THSD7B: variants seen among roughly 807,000 people sequenced by gnomAD.
THSD7B encodes thrombospondin type 1 domain containing 7B.
In THSD7B, 138 loss-of-function variants were observed where a neutral mutation model predicts 213.6. That is an observed-to-expected ratio of 0.65 (90% confidence interval 0.56 to 0.74). THSD7B has a LOEUF of 0.74. Ranked by LOEUF, THSD7B falls within the 30% of genes least tolerant of loss-of-function variation. THSD7B has a pLI of 0.00. For synonymous variants in THSD7B, 742 were observed against 687.0 expected, an observed-to-expected ratio of 1.08 and a Z score of -1.25; for missense variants, 1,931 against 1,991.5, an observed-to-expected ratio of 0.97 and a Z score of 0.58.
intron 12 of THSD7B, among the ~76,000 whole-genome samples, chr2:137,395,703 T>C (rs1182890477): frequency 6.6e-6 from 1 of 152,132 alleles, no homozygotes; most frequent in Non-Finnish European, 1.5e-5. Flanking sequence ...GGATTCCCTC[T>C]TTTTCTATTG....
intron 1 of THSD7B, among the ~76,000 whole-genome samples, chr2:136,815,328 G>A (rs1028935211): frequency 1.3e-5 from 2 of 152,154 alleles, no homozygotes; most frequent in Non-Finnish European, 2.9e-5. Flanking sequence ...TTTTGGGTCA[G>A]TTCCAAAAGA....
At chr2:137,659,001 C>G (rs1290513920) in intron 24 of THSD7B, among the ~76,000 whole-genome samples, 1 of 152,114 alleles carries the variant, frequency 6.6e-6, no homozygotes, top group Non-Finnish European at 1.5e-5. Context: ...AAATGATTTT[C>G]CAGTTACAGA....
intron 12 of THSD7B, among the ~76,000 whole-genome samples, chr2:137,287,842 C>A (rs1558743791): frequency 2.0e-5 from 3 of 152,018 alleles, no homozygotes; most frequent in Admixed American, 2.0e-4. Flanking sequence ...TAAGAAATTT[C>A]TCTTCTAGCT....
At chr2:136,854,225 C>G (rs897236338) in intron 1 of THSD7B, among the ~76,000 whole-genome samples, 2 of 152,138 alleles carry the variant, frequency 1.3e-5, no homozygotes, top group African/African-American at 4.8e-5. Context: ...CACACACACT[C>G]TCACACACAC....
intron 3 of THSD7B, among the ~76,000 whole-genome samples, chr2:137,062,661 T>C (rs530315574): frequency 6.6e-6 from 1 of 151,886 alleles, no homozygotes; most frequent in Non-Finnish European, 1.5e-5. Flanking sequence ...CATTGTGTCC[T>C]GGGAGCATAT....
At chr2:136,965,372 G>C (rs1367082064) in intron 2 of THSD7B, among the ~76,000 whole-genome samples, 1 of 152,210 alleles carries the variant, frequency 6.6e-6, no homozygotes, top group African/African-American at 2.4e-5. Flanking sequence ...AGAATATGGG[G>C]ATGGGAAGAA....
At chr2:137,590,295 G>A (rs1681835189) in intron 17 of THSD7B, among the ~76,000 whole-genome samples, 1 of 152,182 alleles carries the variant, frequency 6.6e-6, no homozygotes, top group South Asian at 2.1e-4. Context: ...GAAGAACAAG[G>A]CTGATGGTCT....
intron 1 of THSD7B, among the ~76,000 whole-genome samples, chr2:136,771,946 C>A (rs1681514055): frequency 6.6e-6 from 1 of 152,004 alleles, no homozygotes; most frequent in Admixed American, 6.6e-5. Flanking sequence ...AGTTAATTAC[C>A]TATGAATTGC....
At chr2:136,937,074 C>T (rs922638891) in intron 2 of THSD7B, among the ~76,000 whole-genome samples, 1 of 152,056 alleles carries the variant, frequency 6.6e-6, no homozygotes. Context: ...GAATTTTCAG[C>T]ACCGTAACAA....
chr2:137,368,910 A>C (rs1685480519), intron 12 of THSD7B, among the ~76,000 whole-genome samples: 1 of 151,856 alleles, frequency 6.6e-6, no homozygotes, highest in Admixed American at 6.6e-5. Context: ...TAGTTATAGA[A>C]CTCTGCTTGG....
At chr2:137,230,283 A>G (rs1362221238) in intron 7 of THSD7B, among the ~76,000 whole-genome samples, 2 of 152,202 alleles carry the variant, frequency 1.3e-5, no homozygotes, top group Non-Finnish European at 2.9e-5. Flanking sequence ...CTGAAAAATC[A>G]TGTTCTATGA....
chr2:136,962,169 C>G (rs913848933), intron 2 of THSD7B, among the ~76,000 whole-genome samples: 2 of 152,108 alleles, frequency 1.3e-5, no homozygotes, highest in African/African-American at 4.8e-5. Flanking sequence ...AGTCCTAAGC[C>G]AAGGAAGGCA....
intron 5 of THSD7B, among the ~76,000 whole-genome samples, chr2:137,118,065 A>G (rs1049234972): frequency 1.3e-5 from 2 of 152,200 alleles, no homozygotes; most frequent in African/African-American, 4.8e-5. Context: ...GTAACAATCA[A>G]TGTATGTATT....
At chr2:137,041,127 G>A (rs367975894) in intron 2 of THSD7B, among the ~76,000 whole-genome samples, 9 of 152,292 alleles carry the variant, frequency 5.9e-5, no homozygotes, top group African/African-American at 2.2e-4. Flanking sequence ...TTCATATTTT[G>A]TGGATGGTTC....
intron 15 of THSD7B, among the ~76,000 whole-genome samples, chr2:137,493,808 T>C (rs1193067630): frequency 6.6e-6 from 1 of 152,186 alleles, no homozygotes; most frequent in East Asian, 1.9e-4. Flanking sequence ...TCAGATGTAT[T>C]TTAAGAAGAG....
intron 7 of THSD7B, among the ~76,000 whole-genome samples, chr2:137,197,710 G>A (rs188396286): frequency 6.6e-6 from 1 of 152,288 alleles, no homozygotes; most frequent in East Asian, 1.9e-4. Flanking sequence ...CTTGGGTTCT[G>A]TGTGTTTAGG....
chr2:137,418,208 C>T (rs564386940), intron 14 of THSD7B, among the ~76,000 whole-genome samples: 183 of 152,252 alleles, frequency 1.2e-3, no homozygotes, highest in Non-Finnish European at 2.2e-3. Context: ...TTAGTTCAGG[C>T]TACTTTATGT....
At chr2:137,107,184 A>G (rs1364716811) in intron 4 of THSD7B, among the ~76,000 whole-genome samples, 1 of 152,256 alleles carries the variant, frequency 6.6e-6, no homozygotes, top group Non-Finnish European at 1.5e-5. Flanking sequence ...TAGCACATAT[A>G]CAACATGGAA....
intron 2 of THSD7B, among the ~76,000 whole-genome samples, chr2:136,981,515 G>A (rs1401140180): frequency 6.6e-6 from 1 of 151,978 alleles, no homozygotes. Context: ...TTCTATTCTA[G>A]CCATCCCTCC....
Sources: gnomAD v4.1 joint callset for allele counts (sites outside exome capture counted in the v4.1 genomes callset) on GRCh38, gnomAD v4.1.1 for gene constraint, MANE v1.5 for transcripts, NCBI Gene and HGNC (gene_info 2026-07-23, HGNC 2026-07-21) for gene names.